The following BRCA1 variants were observed in gnomAD, a reference collection of about 807,000 sequenced individuals.
BRCA1 encodes the protein BRCA1 DNA repair associated, also known as breast cancer type 1 susceptibility protein.
In BRCA1, 140 loss-of-function variants were observed where a neutral mutation model predicts 173.7. That is an observed-to-expected ratio of 0.81 (90% confidence interval 0.70 to 0.93). The LOEUF is 0.93. Ranked by LOEUF, BRCA1 falls within the 40% of genes least tolerant of loss-of-function variation. BRCA1 has a pLI of 0.00. For missense variants in BRCA1, 1,983 were observed against 2,172.5 expected (o/e 0.91, Z 1.73); for synonymous variants, 662 against 756.0 (o/e 0.88, Z 2.04).
intron 20 of BRCA1, among the ~76,000 whole-genome samples, chr17:43,049,854 C>T (rs1214940678): frequency 1.3e-5 from 2 of 152,140 alleles, no homozygotes; most frequent in African/African-American, 4.8e-5. Context: ...TTGCTCTTTC[C>T]CATCAGCCCG....
chr17:43,104,529 G>A (rs2054654252), intron 5 of BRCA1, among the ~76,000 whole-genome samples: 1 of 152,088 alleles, frequency 6.6e-6, no homozygotes, highest in Admixed American at 6.6e-5. Context: ...TATCAATACT[G>A]TATTTCACTA....
intron 1 of BRCA1, among the ~76,000 whole-genome samples, chr17:43,158,905 G>A (rs1032384573): frequency 2.0e-5 from 3 of 152,144 alleles, no homozygotes; most frequent in East Asian, 1.9e-4. Context: ...TTTAAATAGC[G>A]GTGTCTGGAA....
chr17:43,094,431 G>A lies in BRCA1; in HGVS notation c.1100C>T (p.Thr367Ile), dbSNP rs1238929596. ...TAGTGTTATCCAAGGAACATCTTCA[G>A]TATCTCTAGGATTCTCTGAGCATGG... Reference protein sequence around the residue: ...KLPCSENPRDTEDVPWITLNS... With the variant: ...KLPCSENPRDIEDVPWITLNS... Residue 367 changes from threonine (T) to isoleucine (I), a missense_variant, in exon 10 of 23, where the codon ACT becomes ATT. Transcript: ENST00000357654. 2 of 1,614,108 alleles carry A rather than the reference G, an allele frequency of 1.2e-6. No individual in the cohort carries two copies.
chr17:43,097,047 T>C (rs1009477968), intron 8 of BRCA1, among the ~76,000 whole-genome samples, 197 bp downstream of exon 8: 1 of 152,186 alleles, frequency 6.6e-6, no homozygotes, highest in Admixed American at 6.5e-5. Flanking sequence ...CTGTGGGGTA[T>C]GCTTAGTACC....
At chr17:43,095,791 T>G in intron 9 of BRCA1, 55 bp downstream of exon 9, 1 of 1,393,166 alleles carries the variant, frequency 7.2e-7, no homozygotes, top group East Asian at 2.3e-5. Context: ...ATTACAGTAC[T>G]GTATCTACCC....
chr17:43,052,901 C>G (rs1418504269), intron 19 of BRCA1, among the ~76,000 whole-genome samples: 2 of 146,542 alleles, frequency 1.4e-5, no homozygotes, highest in African/African-American at 2.6e-5. Context: ...TTTTGAGACG[C>G]AGTCTTGCAC....
At position 43,138,186 on chromosome 17, in the gene BRCA1, A is replaced by T. The variant is rs186269519; in HGVS notation, c.-19-14071T>A. 115 of 181,478 alleles carry T rather than the reference A, an allele frequency of 6.3e-4. No homozygotes were observed. In the Middle Eastern group the frequency reaches 0.011, roughly 17 times the overall value. The allele number at this position is 181,478 out of a possible 1,614,324, so 11.2% of individuals were successfully genotyped here. On this transcript the variant is annotated intron_variant, in intron 1 of 7. Coordinates refer to the BRCA1 transcript ENST00000634433. ...GCAACAAGAGCGAAACTCCATCTCA[A>T]AAGGAAAAAAAAGCAAAAGAGAAAA... is the stretch of plus-strand genomic sequence containing the variant.
intron 14 of BRCA1, among the ~76,000 whole-genome samples, chr17:43,071,884 T>C (rs998050583): frequency 4.6e-5 from 7 of 151,092 alleles, no homozygotes; most frequent in Admixed American, 3.3e-4. Flanking sequence ...GGCGGGCGCC[T>C]GTAGTCCCGG....
intron 6 of BRCA1, among the ~76,000 whole-genome samples, chr17:43,100,920 C>G (rs1443365126): frequency 6.7e-6 from 1 of 150,016 alleles, no homozygotes; most frequent in Non-Finnish European, 1.5e-5. Flanking sequence ...TTAGTAGAGA[C>G]AGGTTTCGCC....
intron 3 of BRCA1, among the ~76,000 whole-genome samples, chr17:43,114,902 C>T (rs2055192747): frequency 6.6e-6 from 1 of 152,072 alleles, no homozygotes; most frequent in Non-Finnish European, 1.5e-5. Context: ...TATTAAGAAA[C>T]AAACATTTTC....
chr17:43,050,275 A>C, intron 20 of BRCA1: 1 of 393,736 alleles, frequency 2.5e-6, no homozygotes, highest in African/African-American at 2.1e-5. Context: ...AGCAGTCCTA[A>C]GCATAACATT....
At chr17:43,100,656 A>AT in intron 6 of BRCA1, among the ~76,000 whole-genome samples, 1 of 20,162 alleles carries the variant, frequency 5.0e-5, no homozygotes, top group South Asian at 2.3e-3. Context: ...CATATATATA[A>AT]CATATATATA....
Position 43,076,642 on chromosome 17 carries a change from A to G in BRCA1, c.4358-28T>C, listed in dbSNP as rs759293156. ...TTAAATGGAATGAGAAAACAAATCT[A>G]CTTTACTGCTTTGTTCTGATAGTGA... On this transcript the variant is annotated intron_variant, in intron 12 of 22. Coordinates refer to ENST00000357654, the MANE Select transcript of BRCA1 (RefSeq NM_007294.4). 17 of 1,609,480 alleles carry G rather than the reference A, an allele frequency of 1.1e-5. No homozygotes were observed. The Middle Eastern group carries it at 8.2e-4, about 78-fold the overall frequency.
At chr17:43,086,655 A>G (rs2053242414) in intron 11 of BRCA1, among the ~76,000 whole-genome samples, 1 of 152,208 alleles carries the variant, frequency 6.6e-6, no homozygotes, top group African/African-American at 2.4e-5. Flanking sequence ...TGTATATTGA[A>G]TGTCAAATAT....
intron 1 of BRCA1, chr17:43,144,805 A>G: frequency 2.5e-6 from 1 of 397,766 alleles, no homozygotes; most frequent in Non-Finnish European, 4.8e-6. Context: ...TGGTTCATCT[A>G]AGGTCTGGAG....
At chr17:43,164,940 T>C (rs1323789161) in intron 1 of BRCA1, 1 of 152,226 alleles carries the variant, frequency 6.6e-6, no homozygotes, top group African/African-American at 2.4e-5. Context: ...CAGTGGACTT[T>C]ATAGTCCTTA....
intron 3 of BRCA1, 55 bp downstream of exon 3, chr17:43,115,671 A>G (rs2055235438): frequency 6.5e-7 from 1 of 1,548,956 alleles, no homozygotes; most frequent in African/African-American, 1.4e-5. Flanking sequence ...TTCCTGGGTT[A>G]TGAAGGACAA....
chr17:43,154,982 G>A (rs2056187618), intron 1 of BRCA1, among the ~76,000 whole-genome samples: 1 of 152,104 alleles, frequency 6.6e-6, no homozygotes. Context: ...AGCATTCCAG[G>A]AAAGAGGGAG....
chr17:43,060,495 CATT>C (rs2051701938), intron 18 of BRCA1, among the ~76,000 whole-genome samples: 1 of 150,120 alleles, frequency 6.7e-6, no homozygotes, highest in South Asian at 2.1e-4. Flanking sequence ...AACCTTTTAT[CATT>C]ATTATTTCTT....
Sources: allele counts gnomAD v4.1 joint callset (sites outside exome capture counted in the v4.1 genomes callset), GRCh38; gene constraint gnomAD v4.1.1; transcripts MANE v1.5; gene names NCBI Gene and HGNC (gene_info 2026-07-23, HGNC 2026-07-21).